Variants in MAGI2 observed in about 807,000 individuals in gnomAD.
MAGI2 encodes the protein membrane-associated guanylate kinase, WW and PDZ domain-containing protein 2.
In MAGI2, 35 loss-of-function variants were observed where a neutral mutation model predicts 133.3. The ratio of observed to expected loss-of-function variants is 0.26; its 90% CI spans 0.20 to 0.35. The LOEUF is 0.35. MAGI2 is among the 10% of genes least tolerant of loss of function. The probability of loss-of-function intolerance (pLI) is 1.00; values close to 1 mark genes in which losing one functional copy is unlikely to be tolerated. For missense variants in MAGI2, 1,636 were observed against 1,863.4 expected (o/e 0.88, Z 2.25); for synonymous variants, 729 against 710.6 (o/e 1.03, Z -0.41).
At chr7:78,813,783 C>CG in intron 2 of MAGI2, among the ~76,000 whole-genome samples, 1 of 33,170 alleles carries the variant, frequency 3.0e-5, no homozygotes, top group Admixed American at 4.8e-4. Context: ...GAGATTCTGT[C>CG]TCAAAAAAAA....
chr7:78,736,299 A>T (rs1376047030), intron 2 of MAGI2, among the ~76,000 whole-genome samples: 1 of 152,228 alleles, frequency 6.6e-6, no homozygotes, highest in Non-Finnish European at 1.5e-5. Context: ...ATATTTTAAC[A>T]GATTAGATTC....
rs565475434 is a variant in MAGI2 at position 78,823,103 on chromosome 7, G to T, written c.418+183987C>A. On this transcript the variant is annotated intron_variant, in intron 2 of 21. Transcript: ENST00000354212. The stretch of plus-strand genomic sequence containing the variant: ...AGTTAGAATTTTTAGTTCATTTTAA[G>T]ACTTAAATTGTAAGGTAATTTTAAA... 1.1e-3 allele frequency among the ~76,000 whole-genome samples: 175 copies of T among 152,220 alleles called. 1 individual carries two copies. In the Middle Eastern group the frequency reaches 0.031, roughly 27 times the overall value.
chr7:78,118,462 G>A (rs542466919), intron 20 of MAGI2, among the ~76,000 whole-genome samples: 1 of 152,296 alleles, frequency 6.6e-6, no homozygotes, highest in African/African-American at 2.4e-5. Flanking sequence ...TCTGATAAAG[G>A]ACTGTTATCC....
chr7:79,450,580 C>T (rs551165532), intron 1 of MAGI2, among the ~76,000 whole-genome samples: 7 of 151,982 alleles, frequency 4.6e-5, no homozygotes, highest in South Asian at 4.1e-4. Context: ...CAGTGAAGCA[C>T]GAAACTGAGG....
chr7:79,305,949 G>A (rs1321535844), intron 1 of MAGI2, among the ~76,000 whole-genome samples: 5 of 150,676 alleles, frequency 3.3e-5, no homozygotes, highest in Non-Finnish European at 5.9e-5. Flanking sequence ...GTGAGGCATA[G>A]GAAAGGCTTT....
At chr7:79,043,327 G>T (rs539927246) in intron 1 of MAGI2, among the ~76,000 whole-genome samples, 1 of 151,572 alleles carries the variant, frequency 6.6e-6, no homozygotes, top group African/African-American at 2.4e-5. Context: ...GGTGGATCAC[G>T]AGGTCAGGGG....
At chr7:79,130,226 C>CGGGA (rs1820809226) in intron 1 of MAGI2, among the ~76,000 whole-genome samples, 1 of 151,522 alleles carries the variant, frequency 6.6e-6, no homozygotes, top group Non-Finnish European at 1.5e-5. Flanking sequence ...GAGGCTAAGG[C>CGGGA]GGGAGTGTAA....
At chr7:78,724,300 T>C (rs573582693) in intron 2 of MAGI2, among the ~76,000 whole-genome samples, 1 of 152,280 alleles carries the variant, frequency 6.6e-6, no homozygotes, top group South Asian at 2.1e-4. Context: ...GCAATGCTTA[T>C]ATTCTGTGTA....
intron 2 of MAGI2, among the ~76,000 whole-genome samples, chr7:78,749,941 T>G (rs1823291425): frequency 6.6e-6 from 1 of 152,188 alleles, no homozygotes; most frequent in Admixed American, 6.5e-5. Flanking sequence ...CACGGAGGCT[T>G]GTTATATAGG....
chr7:78,921,334 C>A (rs1345102814), intron 2 of MAGI2, among the ~76,000 whole-genome samples: 1 of 152,148 alleles, frequency 6.6e-6, no homozygotes, highest in Non-Finnish European at 1.5e-5. Context: ...TTGACTTTAT[C>A]ATGCATAAAA....
At chr7:78,771,146 C>G (rs564979697) in intron 2 of MAGI2, 1 of 152,068 alleles carries the variant, frequency 6.6e-6, no homozygotes, top group East Asian at 1.9e-4. Flanking sequence ...CTCCCTCTGC[C>G]TCTCCCTCTC....
chr7:79,105,546 G>A (rs1328057183), intron 1 of MAGI2, among the ~76,000 whole-genome samples: 1 of 152,144 alleles, frequency 6.6e-6, no homozygotes, highest in Non-Finnish European at 1.5e-5. Context: ...AGTATCTATA[G>A]AAGCACAAAA....
chr7:78,070,174 C>CACATATATATATATATAT (rs1321917404), intron 21 of MAGI2, among the ~76,000 whole-genome samples: 1 of 56,660 alleles, frequency 1.8e-5, no homozygotes, highest in Non-Finnish European at 3.4e-5. Flanking sequence ...CACACACACA[C>CACATATATATATATATAT]ATATATATAT....
chr7:79,044,721 A>G (rs1390085038), intron 1 of MAGI2, among the ~76,000 whole-genome samples: 1 of 152,236 alleles, frequency 6.6e-6, no homozygotes, highest in African/African-American at 2.4e-5. Flanking sequence ...ACTTCAGCCA[A>G]ATTTCAGGAT....
intron 2 of MAGI2, among the ~76,000 whole-genome samples, chr7:78,953,818 G>A (rs901492861): frequency 1.3e-5 from 2 of 152,042 alleles, no homozygotes; most frequent in East Asian, 3.9e-4. Context: ...GATGTTCTAA[G>A]AACCAAATGA....
chr7:79,047,003 C>T (rs908672341), intron 1 of MAGI2, among the ~76,000 whole-genome samples: 3 of 152,078 alleles, frequency 2.0e-5, no homozygotes, highest in Non-Finnish European at 4.4e-5. Flanking sequence ...CAAAATTTTA[C>T]AGTTTCAAGT....
At chr7:79,024,081 C>G (rs1284968506) in intron 1 of MAGI2, among the ~76,000 whole-genome samples, 6 of 152,114 alleles carry the variant, frequency 3.9e-5, no homozygotes. Flanking sequence ...CAATTTCAAA[C>G]TATACTACAA....
chr7:78,654,852 T>G (rs1330654955), intron 2 of MAGI2, among the ~76,000 whole-genome samples: 1 of 151,388 alleles, frequency 6.6e-6, no homozygotes. Flanking sequence ...TTTGTCAGAA[T>G]TCCTATACAG....
intron 2 of MAGI2, among the ~76,000 whole-genome samples, chr7:78,764,479 TAGGAA>T (rs774692925): frequency 1.2e-4 from 18 of 152,238 alleles, no homozygotes; most frequent in Non-Finnish European, 2.2e-4. Flanking sequence ...CTTTTATACT[TAGGAA>T]AGGAAATGTG....
Sources: gnomAD v4.1 joint callset for allele counts (sites outside exome capture counted in the v4.1 genomes callset) on GRCh38, gnomAD v4.1.1 for gene constraint, MANE v1.5 for transcripts, NCBI Gene and HGNC (gene_info 2026-07-23, HGNC 2026-07-21) for gene names.